OLFM3: variants seen among roughly 807,000 people sequenced by gnomAD.
OLFM3 encodes olfactomedin 3, also known as noelin-3.
Under a neutral mutation model 48.6 loss-of-function variants are expected in OLFM3, and 20 were observed. That is an observed-to-expected ratio of 0.41 (90% CI 0.29 to 0.60). The LOEUF is 0.60. OLFM3 is among the 20% of genes least tolerant of loss of function. The pLI is 0.28. For missense variants in OLFM3, 437 were observed against 544.3 expected (o/e 0.80, Z 1.96); for synonymous variants, 222 against 198.1 (o/e 1.12, Z -1.01).
At chr1:101,911,530 A>G (rs893908441) in intron 1 of OLFM3, among the ~76,000 whole-genome samples, 1 of 152,184 alleles carries the variant, frequency 6.6e-6, no homozygotes, top group Non-Finnish European at 1.5e-5. Flanking sequence ...GTGGAGGAAA[A>G]TAAGTGAAAT....
At position 101,804,004 on chromosome 1, in the gene OLFM3, A is replaced by C; in HGVS notation, c.*234T>G. 7.2e-6 allele frequency: 2 copies of C among 275,924 alleles called. No homozygotes were observed. Among genetic ancestry groups the C allele is most frequent in the Non-Finnish European group, 1.3e-5 (2 of 151,756 alleles). The allele number at this position is 275,924 out of a possible 1,614,324, so 17.1% of individuals were successfully genotyped here. ...AGCCACTTAAACTCTTTTTTTTTTT[A>C]GTGCTTTTCATGACAAGGACATGAT... On this transcript the variant is annotated 3_prime_UTR_variant, in exon 6 of 6. Transcript: ENST00000370103. This position sits in a 1 kb window ranked among gnomAD's most constrained non-coding sequence, Gnocchi z 4.5.
intron 1 of OLFM3, among the ~76,000 whole-genome samples, chr1:101,911,457 A>G (rs1426792355): frequency 6.6e-6 from 1 of 152,176 alleles, no homozygotes; most frequent in Non-Finnish European, 1.5e-5. Flanking sequence ...AAAGTAAGAA[A>G]GGGACTTACT....
chr1:101,863,294 G>T (rs1315511536), intron 1 of OLFM3, among the ~76,000 whole-genome samples: 1 of 152,144 alleles, frequency 6.6e-6, no homozygotes, highest in Non-Finnish European at 1.5e-5. Context: ...TTTGATATTG[G>T]ATATTTCCAA....
intron 1 of OLFM3, among the ~76,000 whole-genome samples, chr1:101,985,648 T>C (rs1661214170): frequency 6.6e-6 from 1 of 152,178 alleles, no homozygotes; most frequent in African/African-American, 2.4e-5. Context: ...TTAACTTTCA[T>C]AAGATAAAGA....
chr1:101,823,070 T>G (rs1325684526), intron 4 of OLFM3, among the ~76,000 whole-genome samples: 1 of 152,026 alleles, frequency 6.6e-6, no homozygotes, highest in African/African-American at 2.4e-5. Flanking sequence ...TTCCTATGAC[T>G]CCTTATAGAG....
intron 4 of OLFM3, among the ~76,000 whole-genome samples, chr1:101,813,428 T>G (rs1048550622): frequency 6.6e-6 from 1 of 152,158 alleles, no homozygotes; most frequent in Non-Finnish European, 1.5e-5. Flanking sequence ...GTTCCATGTT[T>G]AGTGTTTATA....
intron 1 of OLFM3, among the ~76,000 whole-genome samples, chr1:101,870,292 A>G (rs146258503): frequency 8.5e-4 from 129 of 152,276 alleles, no homozygotes; most frequent in Non-Finnish European, 1.5e-3. Context: ...AAATTTTTCC[A>G]TAATTCATCA....
intron 1 of OLFM3, among the ~76,000 whole-genome samples, chr1:101,868,826 C>T (rs1467179050): frequency 6.6e-6 from 1 of 152,220 alleles, no homozygotes; most frequent in Non-Finnish European, 1.5e-5. Flanking sequence ...TGCTTCAGCT[C>T]CAACCATGGC....
chr1:101,830,904 C>T, intron 2 of OLFM3, 77 bp from the exon 3 acceptor site: 5 of 1,352,300 alleles, frequency 3.7e-6, no homozygotes, highest in East Asian at 2.4e-5. Context: ...AGCAAAAATG[C>T]CGTTAACATA....
intron 4 of OLFM3, among the ~76,000 whole-genome samples, chr1:101,811,258 C>A (rs1557683142): frequency 6.6e-6 from 1 of 151,990 alleles, no homozygotes; most frequent in Admixed American, 6.6e-5. Flanking sequence ...ACTTCAAGTT[C>A]TTTCTATTGT....
intron 1 of OLFM3, among the ~76,000 whole-genome samples, chr1:101,876,968 G>T (rs1399908145): frequency 6.6e-6 from 1 of 151,880 alleles, no homozygotes; most frequent in Non-Finnish European, 1.5e-5. Context: ...ATTTCAGTTT[G>T]TCAACTAGAA....
chr1:101,985,990 G>C (rs1392174884), intron 1 of OLFM3, among the ~76,000 whole-genome samples: 1 of 138,800 alleles, frequency 7.2e-6, no homozygotes, highest in African/African-American at 2.7e-5. Flanking sequence ...TTTTGACACA[G>C]AGTCTCGCTC....
chr1:101,979,628 T>C (rs1054983112), intron 1 of OLFM3, among the ~76,000 whole-genome samples: 1 of 152,216 alleles, frequency 6.6e-6, no homozygotes, highest in Non-Finnish European at 1.5e-5. Flanking sequence ...TGTATGGAAA[T>C]GCCTGGATGT....
At chr1:101,882,165 C>T (rs529534393) in intron 1 of OLFM3, among the ~76,000 whole-genome samples, 99 of 150,694 alleles carry the variant, frequency 6.6e-4, no homozygotes, top group African/African-American at 2.2e-3. Context: ...GTATAAGATG[C>T]GACATTAAAA....
intron 1 of OLFM3, among the ~76,000 whole-genome samples, chr1:101,931,477 C>A (rs1659444560): frequency 6.6e-6 from 1 of 152,196 alleles, no homozygotes; most frequent in African/African-American, 2.4e-5. Context: ...AAGTGACTCT[C>A]AGTAAGTGCC....
chr1:101,994,479 CTAG>C (rs2101126178), intron 1 of OLFM3, among the ~76,000 whole-genome samples: 1 of 150,234 alleles, frequency 6.7e-6, no homozygotes, highest in East Asian at 1.9e-4. Flanking sequence ...CCTTAAGTAA[CTAG>C]TAGAATGAAA....
chr1:101,956,776 C>T (rs1660309680), intron 1 of OLFM3, among the ~76,000 whole-genome samples: 1 of 151,824 alleles, frequency 6.6e-6, no homozygotes, highest in Admixed American at 6.6e-5. Flanking sequence ...GTAACTACAA[C>T]TGGACAGATT....
intron 1 of OLFM3, among the ~76,000 whole-genome samples, chr1:101,903,755 CCTT>C (rs1658465140): frequency 6.6e-6 from 1 of 151,938 alleles, no homozygotes. Context: ...CAATGCACGT[CCTT>C]CTTAAGGAAA....
Position 101,949,726 on chromosome 1 carries a change from C to G in OLFM3, c.69+47022G>C, listed in dbSNP as rs567501665. 4.5e-3 allele frequency among the ~76,000 whole-genome samples: 686 copies of G among 152,050 alleles called. 10 individuals are homozygous for G. The highest frequency in any genetic ancestry group is 0.016 in the African/African-American group (662 of 41,492). On this transcript the variant is annotated intron_variant, in intron 1 of 5. Transcript: ENST00000370103. ...CGGGTGGATCACGAGGTCAGGAGAT[C>G]AAGACCATCCTGGCTAACACGGGGA...
Sources: allele counts gnomAD v4.1 joint callset (sites outside exome capture counted in the v4.1 genomes callset), GRCh38; gene constraint gnomAD v4.1.1; non-coding constraint Gnocchi (gnomAD v3.1); transcripts MANE v1.5; gene names NCBI Gene and HGNC (gene_info 2026-07-23, HGNC 2026-07-21).